TRIO: variants seen among roughly 807,000 people sequenced by gnomAD.
The protein encoded by TRIO is triple functional domain protein.
TRIO carries 58 observed loss-of-function variants against 351.9 expected under a neutral mutation model. The observed-to-expected ratio is 0.16, with a 90% CI of 0.13 to 0.21. The LOEUF is 0.21. Among genes scored for constraint, TRIO ranks in the 10% least tolerant of loss-of-function variants. The pLI, the probability that TRIO is intolerant of heterozygous loss-of-function variation, is 1.00. For missense variants in TRIO, 3,201 were observed against 4,027.8 expected (o/e 0.79, Z 5.56); for synonymous variants, 1,758 against 1,595.7 (o/e 1.10, Z -2.42).
At chr5:14,157,358 C>G (rs1454933406) in intron 1 of TRIO, among the ~76,000 whole-genome samples, 1 of 152,054 alleles carries the variant, frequency 6.6e-6, no homozygotes. Context: ...ATTTGCTGTT[C>G]TGTATTTTTC....
chr5:14,197,121 T>C (rs2152163799), intron 1 of TRIO, among the ~76,000 whole-genome samples: 1 of 152,336 alleles, frequency 6.6e-6, no homozygotes, highest in South Asian at 2.1e-4. Flanking sequence ...AATCAAGACA[T>C]GCCTGCCAGA....
chr5:14,265,103 A>T (rs1460336274), intron 1 of TRIO, among the ~76,000 whole-genome samples: 3 of 140,054 alleles, frequency 2.1e-5, no homozygotes, highest in Admixed American at 7.2e-5. Flanking sequence ...TTTTTTTCCC[A>T]ATCTCTTCCC....
intron 1 of TRIO, among the ~76,000 whole-genome samples, chr5:14,170,510 T>C (rs199988268): frequency 3.3e-3 from 63 of 19,054 alleles, no homozygotes; most frequent in African/African-American, 0.012. Flanking sequence ...TTCTCTCTCT[T>C]TTTTTTTTTT....
At chr5:14,349,803 G>A (rs772282659) in intron 11 of TRIO, among the ~76,000 whole-genome samples, 4 of 152,186 alleles carry the variant, frequency 2.6e-5, no homozygotes, top group Admixed American at 6.5e-5. Flanking sequence ...GGGGGTTGGT[G>A]TACAGATTAT....
At chr5:14,500,502 C>T (rs1344631018) in intron 53 of TRIO, among the ~76,000 whole-genome samples, 1 of 152,166 alleles carries the variant, frequency 6.6e-6, no homozygotes, top group Admixed American at 6.5e-5. Flanking sequence ...ATTGGCCCTG[C>T]ACCCTGAGGA....
At chr5:14,254,760 TA>T (rs1433032594) in intron 1 of TRIO, among the ~76,000 whole-genome samples, 1 of 152,256 alleles carries the variant, frequency 6.6e-6, no homozygotes, top group African/African-American at 2.4e-5. Context: ...GCATTATTTC[TA>T]CGGGAAAATA....
chr5:14,504,669 C>T lies in TRIO; in HGVS notation c.8612+76C>T, dbSNP rs900041881. 5.3e-6 allele frequency: 8 copies of T among 1,517,794 alleles called. No individual in the cohort carries two copies. The Admixed American group carries it at 9.8e-5, about 19-fold the overall frequency. The allele number at this position is 1,517,794 out of a possible 1,614,324, so 94.0% of individuals were successfully genotyped here. On this transcript the variant is annotated intron_variant, in intron 55 of 56. Coordinates refer to ENST00000344204, the MANE Select transcript of TRIO (RefSeq NM_007118.4). ...GGGGGTTTTGTTGTTCCTGTTTGTT[C>T]TCTAAGAAGGATAGAAATTGGGTTT...
chr5:14,327,163 T>A (rs1740459594), intron 9 of TRIO, among the ~76,000 whole-genome samples: 1 of 152,212 alleles, frequency 6.6e-6, no homozygotes, highest in East Asian at 1.9e-4. Context: ...TTTATTTTTA[T>A]TTTGTTGTTG....
intron 34 of TRIO, among the ~76,000 whole-genome samples, chr5:14,426,082 T>C (rs1295870525): frequency 6.6e-6 from 1 of 152,222 alleles, no homozygotes; most frequent in Non-Finnish European, 1.5e-5. Flanking sequence ...CTGACCTCAC[T>C]TCTTGCCCTT....
At chr5:14,489,028 A>G in intron 48 of TRIO, 1 of 765,294 alleles carries the variant, frequency 1.3e-6, no homozygotes, top group East Asian at 2.4e-5. Flanking sequence ...TGTTTCCTAC[A>G]GGGCAGATGG....
At chr5:14,360,915 A>G (rs1744093486) in intron 13 of TRIO, among the ~76,000 whole-genome samples, 1 of 152,222 alleles carries the variant, frequency 6.6e-6, no homozygotes, top group Non-Finnish European at 1.5e-5. Flanking sequence ...GATGCTCTCA[A>G]AGTCTTGACA....
chr5:14,211,643 G>C (rs1791906983), intron 1 of TRIO, among the ~76,000 whole-genome samples: 1 of 108,116 alleles, frequency 9.2e-6, no homozygotes. Flanking sequence ...AAATTAATAA[G>C]AACAGTCTTT....
intron 11 of TRIO, among the ~76,000 whole-genome samples, chr5:14,355,977 G>T (rs1464297750): frequency 6.6e-6 from 1 of 152,086 alleles, no homozygotes; most frequent in Non-Finnish European, 1.5e-5. Context: ...TAAAATTCTT[G>T]AACTGTATGA....
intron 45 of TRIO, 104 bp from the exon 46 acceptor site, chr5:14,482,478 A>T: frequency 1.1e-6 from 1 of 916,958 alleles, no homozygotes; most frequent in Non-Finnish European, 1.5e-6. Context: ...TAAAAGAAAA[A>T]TACATTATTC....
chr5:14,292,935 T>G, intron 5 of TRIO, 77 bp from the exon 6 acceptor site: 2 of 1,601,532 alleles, frequency 1.2e-6, no homozygotes, highest in Non-Finnish European at 1.7e-6. Context: ...CCTTTCTTGG[T>G]ACTGCCCCAT....
intron 53 of TRIO, chr5:14,499,112 C>G (rs975691328): frequency 1.9e-4 from 30 of 157,304 alleles, no homozygotes; most frequent in Non-Finnish European, 2.1e-4. Context: ...CCTGCGCAGG[C>G]CCTGTGCCTG....
chr5:14,144,882 GAGC>G (rs898397619), intron 1 of TRIO, among the ~76,000 whole-genome samples: 3 of 151,920 alleles, frequency 2.0e-5, no homozygotes, highest in Non-Finnish European at 4.4e-5. Context: ...CGCGTCGGCT[GAGC>G]AGCAGCAGGA....
chr5:14,489,503 G>A (rs1756315497), intron 48 of TRIO, among the ~76,000 whole-genome samples: 1 of 152,162 alleles, frequency 6.6e-6, no homozygotes, highest in South Asian at 2.1e-4. Flanking sequence ...CCCAGTGACG[G>A]GCTATACCCG....
At chr5:14,465,965 C>T (rs1754224740) in intron 37 of TRIO, 4 of 316,690 alleles carry the variant, frequency 1.3e-5, no homozygotes, top group Admixed American at 7.9e-5. Flanking sequence ...GTCAGGCAGA[C>T]AGAGGATTGC....
Sources: allele counts gnomAD v4.1 joint callset (sites outside exome capture counted in the v4.1 genomes callset), GRCh38; gene constraint gnomAD v4.1.1; transcripts MANE v1.5; gene names NCBI Gene and HGNC (gene_info 2026-07-23, HGNC 2026-07-21).